Variants in DDX50 observed in about 807,000 individuals in gnomAD.
The protein encoded by DDX50 is ATP-dependent RNA helicase DDX50.
In DDX50, 56 loss-of-function variants were observed where a neutral mutation model predicts 94.8. The ratio of observed to expected loss-of-function variants is 0.59; its 90% confidence interval spans 0.48 to 0.74. DDX50 has a LOEUF of 0.74. Among genes scored for constraint, DDX50 ranks in the 30% least tolerant of loss-of-function variants. DDX50 has a pLI of 0.00. For synonymous variants in DDX50, 264 were observed against 295.4 expected (o/e 0.89, Z 1.09); for missense variants, 713 against 881.2 (o/e 0.81, Z 2.42).
intron 8 of DDX50, among the ~76,000 whole-genome samples, chr10:68,927,758 G>A (rs1020038320): frequency 2.6e-5 from 4 of 152,090 alleles, no homozygotes; most frequent in African/African-American, 7.2e-5. Context: ...TGAGACTAGC[G>A]TGGGCATTTC....
At chr10:68,920,188 G>T (rs1841903792) in intron 8 of DDX50, among the ~76,000 whole-genome samples, 1 of 152,140 alleles carries the variant, frequency 6.6e-6, no homozygotes. Context: ...TTGAGACAGG[G>T]TCTCCCTCTT....
Position 68,911,261 on chromosome 10 carries a change from G to A in DDX50, c.639+15G>A, listed in dbSNP as rs987320554. 7 of 1,539,758 alleles carry A rather than the reference G, an allele frequency of 4.5e-6. 1 individual carries two copies. The highest frequency in any genetic ancestry group is 6.1e-6 in the Non-Finnish European group (7 of 1,147,754). On this transcript the variant is annotated intron_variant, in intron 4 of 14. Coordinates refer to ENST00000373585, the MANE Select transcript of DDX50 (RefSeq NM_024045.2). ...GCTCACCAAAGGTAATCGTTATAGG[G>A]GGTAAAAGCTTTAAATGTTACTCTA...
chr10:68,946,495 AG>A lies in DDX50; in HGVS notation c.2081del (p.Gly694ValfsTer54). 6.2e-7 allele frequency: 1 copy of A among 1,614,152 alleles called. No individual in the cohort carries two copies. The highest frequency in any genetic ancestry group is 2.2e-5 in the East Asian group (1 of 44,882). The stretch of plus-strand genomic sequence containing the variant: ...GTCGATCAGGCCGGTCAGGCCGGTC[AG>A]GTGGTCGATCTGGCGGCCGGTCAGG... ...SGRSGRSGRS[G>X]GRSGGRSGRQ... On this transcript the variant is annotated frameshift_variant, in exon 15 of 15. Transcript: ENST00000373585. LOFTEE classifies it high-confidence loss of function.
intron 1 of DDX50, among the ~76,000 whole-genome samples, chr10:68,901,698 C>T: frequency 6.6e-6 from 1 of 152,228 alleles, no homozygotes; most frequent in East Asian, 1.9e-4. Context: ...CGCGTGGCCC[C>T]TCAGCCCTTC....
rs770465033 is a variant in DDX50 at position 68,936,091 on chromosome 10, G to C, written c.1595+12G>C. The C allele has an allele frequency of 6.3e-7, 1 of 1,593,628 alleles. No homozygotes were observed. The highest frequency in any genetic ancestry group is 8.5e-7 in the Non-Finnish European group (1 of 1,170,352). On this transcript the variant is annotated intron_variant, in intron 11 of 14. Coordinates refer to ENST00000373585, the MANE Select transcript of DDX50 (RefSeq NM_024045.2). ...ATGGATGCCATCAGGTATGCTTTCT[G>C]AACTTGCTGAATAATTGTTTCTTTT...
chr10:68,929,279 TCCTTCCTTCCTTCCTC>T (rs1391352667), intron 8 of DDX50, among the ~76,000 whole-genome samples: 182 of 82,208 alleles, frequency 2.2e-3, no homozygotes, highest in African/African-American at 7.2e-3. Context: ...CTTCCTTCCT[TCCTTCCTTCCTTCCTC>T]TCTCTCTCTC....
At chr10:68,933,847 A>C (rs540141564) in intron 8 of DDX50, among the ~76,000 whole-genome samples, 1 of 152,008 alleles carries the variant, frequency 6.6e-6, no homozygotes, top group African/African-American at 2.4e-5. Flanking sequence ...AGGTAGGAGA[A>C]TCGCTTGAAC....
rs1033329651 is a variant in DDX50 at position 68,946,645 on chromosome 10, A to G, written c.*15A>G. ...GTTTTGACTGAGTATTTGATAGTTA[A>G]TCTACCAGTGTGAGCTTGCCTATTT... On this transcript the variant is annotated 3_prime_UTR_variant, in exon 15 of 15. Transcript: ENST00000373585. 6.2e-7 allele frequency: 1 copy of G among 1,607,152 alleles called. No individual in the cohort carries two copies. Among genetic ancestry groups the G allele is most frequent in the African/African-American group, 1.3e-5 (1 of 74,854 alleles).
At chr10:68,901,695 C>T (rs1026251302) in intron 1 of DDX50, among the ~76,000 whole-genome samples, 2 of 152,216 alleles carry the variant, frequency 1.3e-5, no homozygotes, top group African/African-American at 4.8e-5. Flanking sequence ...CTCCGCGTGG[C>T]CCCTCAGCCC....
In DDX50 at chr10:68,906,831, C is replaced by T. The variant is rs1248893021; in HGVS notation, c.208C>T (p.Leu70=). 6.2e-7 allele frequency: 1 copy of T among 1,613,656 alleles called. No homozygotes were observed. Among genetic ancestry groups the T allele is most frequent in the Admixed American group, 1.7e-5 (1 of 59,896 alleles). ...CAAAAAATCTAAAATGAAAGAGAAGCTAAATGGAGACACTGAAGAAGGATT... is the reference window on the plus strand; with the variant it reads ...CAAAAAATCTAAAATGAAAGAGAAGTTAAATGGAGACACTGAAGAAGGATT... ...KAKKSKMKEK[L]NGDTEEGFNR... Residue 70 remains leucine (L), a synonymous_variant, in exon 2 of 15, where the codon CTA becomes TTA. Coordinates refer to ENST00000373585, the MANE Select transcript of DDX50 (RefSeq NM_024045.2).
At chr10:68,903,541 C>T (rs1225193985) in intron 1 of DDX50, among the ~76,000 whole-genome samples, 1 of 152,054 alleles carries the variant, frequency 6.6e-6, no homozygotes, top group Non-Finnish European at 1.5e-5. Context: ...TGGCTCACGT[C>T]TGTAATGCCG....
chr10:68,913,015 C>T (rs1054489223), intron 4 of DDX50, 147 bp from the exon 5 acceptor site: 2 of 645,878 alleles, frequency 3.1e-6, no homozygotes. Context: ...GCTGCTGTTC[C>T]TTTTGCTATT....
Position 68,943,258 on chromosome 10 carries a change from G to T in DDX50, c.1935+1G>T, listed in dbSNP as rs1287950153. On this transcript the variant is annotated splice_donor_variant, in intron 14 of 14. Coordinates refer to ENST00000373585, the MANE Select transcript of DDX50 (RefSeq NM_024045.2). LOFTEE classifies it high-confidence loss of function. Reference sequence around the variant, plus strand: ...TACAACTGAGTCAGAAAGGTTACAGGTATTTTTAAAATTTTATCTTTTAAA... The same window carrying T: ...TACAACTGAGTCAGAAAGGTTACAGTTATTTTTAAAATTTTATCTTTTAAA... 1.9e-6 allele frequency: 3 copies of T among 1,603,320 alleles called. No homozygotes were observed. Among genetic ancestry groups the T allele is most frequent in the African/African-American group, 1.3e-5 (1 of 74,432 alleles).
intron 4 of DDX50, 77 bp downstream of exon 4, chr10:68,911,323 C>G: frequency 7.2e-7 from 1 of 1,395,260 alleles, no homozygotes; most frequent in Non-Finnish European, 9.5e-7. Flanking sequence ...GTCCTAAGTT[C>G]TAGTACCCCC....
intron 7 of DDX50, among the ~76,000 whole-genome samples, chr10:68,919,317 T>C (rs1841884273): frequency 6.6e-6 from 1 of 152,236 alleles, no homozygotes; most frequent in African/African-American, 2.4e-5. Flanking sequence ...TAAAATCTTG[T>C]GTACATTTGC....
In DDX50 at chr10:68,910,304, C is replaced by T. The variant is rs1841588042; in HGVS notation, c.385-3C>T. 1.3e-6 allele frequency: 2 copies of T among 1,593,216 alleles called. No homozygotes were observed. The highest frequency in any genetic ancestry group is 1.7e-6 in the Non-Finnish European group (2 of 1,173,574). ...ATTTAGGCCATTGATTTCATTTTTACAGACCTTAACACGTGAACAGAAAGA... is the reference window on the plus strand; with the variant it reads ...ATTTAGGCCATTGATTTCATTTTTATAGACCTTAACACGTGAACAGAAAGA... On this transcript the variant is annotated splice_region_variant and splice_polypyrimidine_tract_variant and intron_variant, in intron 2 of 14. Transcript: ENST00000373585.
rs772823789 is a variant in DDX50 at position 68,911,156 on chromosome 10, A to G, written c.549A>G (p.Thr183=). 4.3e-6 allele frequency: 7 copies of G among 1,613,108 alleles called. No individual in the cohort carries two copies. The highest frequency in any genetic ancestry group is 3.3e-4 in the Middle Eastern group (2 of 6,052). ...EGKDLIAQAR[T]GTGKTFSFAI... is the part of the protein sequence containing the mutation. ...AAGATTTAATAGCTCAAGCACGGAC[A>G]GGAACAGGAAAGACATTCTCTTTTG... is the stretch of plus-strand genomic sequence containing the variant. The change falls in exon 4 of 15, where the codon ACA becomes ACG. Residue 183 remains threonine, a synonymous_variant. Coordinates refer to ENST00000373585, the MANE Select transcript of DDX50 (RefSeq NM_024045.2).
At chr10:68,924,667 TA>T (rs35148481) in intron 8 of DDX50, among the ~76,000 whole-genome samples, 98,871 of 150,646 alleles carry the variant, frequency 0.66, 32,839 homozygotes, top group East Asian at 0.89. Context: ...GTAAAGCTGT[TA>T]AAAAAAAAAG....
intron 8 of DDX50, among the ~76,000 whole-genome samples, chr10:68,922,428 TTTC>T (rs1355751206): frequency 2.0e-5 from 3 of 152,236 alleles, no homozygotes; most frequent in African/African-American, 7.2e-5. Flanking sequence ...TTTCTACTTC[TTTC>T]TTGAGTTATT....
Sources: allele counts gnomAD v4.1 joint callset (sites outside exome capture counted in the v4.1 genomes callset), GRCh38; gene constraint gnomAD v4.1.1; transcripts MANE v1.5; gene names NCBI Gene and HGNC (gene_info 2026-07-23, HGNC 2026-07-21).